Variants in ABCC6 observed in about 807,000 individuals in gnomAD.
The protein encoded by ABCC6 is ATP-binding cassette sub-family C member 6.
ABCC6 carries 126 observed loss-of-function variants against 169.5 expected under a neutral mutation model. The ratio of observed to expected loss-of-function variants is 0.74; its 90% CI spans 0.64 to 0.86. The LOEUF (loss-of-function observed/expected upper bound fraction) is 0.86. Among genes scored for constraint, ABCC6 ranks in the 40% least tolerant of loss-of-function variants. The pLI is 0.00. For missense variants in ABCC6, 1,733 were observed against 1,927.2 expected, an observed-to-expected ratio of 0.90 and a Z score of 1.89; for synonymous variants, 752 against 814.7, an observed-to-expected ratio of 0.92 and a Z score of 1.31.
chr16:16,195,416 G>A (rs1267782027), intron 10 of ABCC6, among the ~76,000 whole-genome samples: 1 of 147,260 alleles, frequency 6.8e-6, no homozygotes, highest in Non-Finnish European at 1.5e-5. Flanking sequence ...GGGTTCAAGT[G>A]ATTCTCCTGC....
At chr16:16,154,251 C>G (rs552613824) in intron 29 of ABCC6, among the ~76,000 whole-genome samples, 2 of 151,802 alleles carry the variant, frequency 1.3e-5, no homozygotes, top group Admixed American at 6.6e-5. Flanking sequence ...CCAGTCCACA[C>G]TTGACATTTA....
chr16:16,211,938 C>T (rs1165353028), intron 6 of ABCC6, among the ~76,000 whole-genome samples: 8 of 150,136 alleles, frequency 5.3e-5, no homozygotes, highest in African/African-American at 1.2e-4. Context: ...ACTGAGACTC[C>T]GGAGGTTTGC....
At chr16:16,173,452 T>TG in intron 20 of ABCC6, 48 bp from the exon 21 acceptor site, 1 of 1,613,602 alleles carries the variant, frequency 6.2e-7, no homozygotes, top group East Asian at 2.2e-5. Context: ...CTCCCAATGG[T>TG]GGGGTGTATG....
In ABCC6 at chr16:16,198,190, G is replaced by A. The variant is rs752742639; in HGVS notation, c.1177-8C>T. 2.5e-6 allele frequency: 4 copies of A among 1,582,764 alleles called. No individual in the cohort carries two copies. Among genetic ancestry groups the A allele is most frequent in the East Asian group, 2.3e-5 (1 of 43,552 alleles). On this transcript the variant is annotated splice_polypyrimidine_tract_variant and splice_region_variant and intron_variant, in intron 9 of 30. Transcript: ENST00000205557. ...GCTGGACAGAGCCAGGACCTGGCGG[G>A]TGGGCAGAAGGAGAGAAGTAAAGTG... is the stretch of plus-strand genomic sequence containing the variant.
At chr16:16,160,194 C>T (rs982096145) in intron 25 of ABCC6, among the ~76,000 whole-genome samples, 2 of 152,188 alleles carry the variant, frequency 1.3e-5, no homozygotes, top group African/African-American at 4.8e-5. Context: ...CTCAGAGAGG[C>T]CTTTCTGGAT....
At chr16:16,205,172 G>T (rs1432620912) in intron 7 of ABCC6, among the ~76,000 whole-genome samples, 2 of 152,042 alleles carry the variant, frequency 1.3e-5, no homozygotes, top group Non-Finnish European at 2.9e-5. Context: ...ACAGATCTGT[G>T]ACCCGGGGCC....
intron 9 of ABCC6, 74 bp downstream of exon 9, chr16:16,201,927 G>A: frequency 6.3e-7 from 1 of 1,575,552 alleles, no homozygotes; most frequent in Non-Finnish European, 8.7e-7. Flanking sequence ...CTCAGCTGCT[G>A]ATAACATTAC....
chr16:16,156,840 G>A (rs565408195), intron 27 of ABCC6, among the ~76,000 whole-genome samples: 1 of 151,684 alleles, frequency 6.6e-6, no homozygotes, highest in African/African-American at 2.4e-5. Context: ...CTACTCAGGA[G>A]GCTGAGGCAG....
intron 26 of ABCC6, among the ~76,000 whole-genome samples, chr16:16,159,184 C>T (rs1211937799): frequency 1.3e-5 from 2 of 152,114 alleles, no homozygotes; most frequent in East Asian, 3.8e-4. Flanking sequence ...ATGTTACTAT[C>T]ATGTTGCAGC....
rs774551826 is a variant in ABCC6 at position 16,169,722 on chromosome 16, G to A, written c.2919C>T (p.Asp973=). The change falls in exon 22 of 31, where the codon GAC becomes GAT. Residue 973 remains aspartate (D), a synonymous_variant. Coordinates refer to ENST00000205557, the MANE Select transcript of ABCC6 (RefSeq NM_001171.6). ...CRGYWLSLWA[D]DPAVGGQQTQ... is the part of the protein sequence containing the mutation. The stretch of plus-strand genomic sequence containing the variant: ...TCTGCTGCCCACCTACTGCAGGGTC[G>A]TCCGCCCACAGGCTCAGCCAGTAGC... The A allele has an allele frequency of 1.7e-5, 28 of 1,610,358 alleles. No homozygotes were observed. Among genetic ancestry groups the A allele is most frequent in the Admixed American group, 3.3e-5 (2 of 59,720 alleles).
intron 4 of ABCC6, among the ~76,000 whole-genome samples, chr16:16,215,575 G>A (rs2048841035): frequency 6.6e-6 from 1 of 151,216 alleles, no homozygotes; most frequent in Non-Finnish European, 1.5e-5. Flanking sequence ...CTGGGTTCAA[G>A]CGATTCTCCT....
intron 19 of ABCC6, 35 bp from the exon 20 acceptor site, chr16:16,176,021 G>T: frequency 6.2e-7 from 1 of 1,601,124 alleles, no homozygotes; most frequent in Non-Finnish European, 8.6e-7. Context: ...ACGCAACACG[G>T]CCCAGATACC....
intron 29 of ABCC6, among the ~76,000 whole-genome samples, chr16:16,153,157 G>A (rs779470408): frequency 6.6e-5 from 10 of 151,982 alleles, no homozygotes; most frequent in Non-Finnish European, 1.2e-4. Context: ...CACCCGCCTC[G>A]GCCTCCCATA....
At chr16:16,195,062 C>T (rs904749357) in intron 10 of ABCC6, among the ~76,000 whole-genome samples, 4 of 151,966 alleles carry the variant, frequency 2.6e-5, no homozygotes, top group Non-Finnish European at 5.9e-5. Flanking sequence ...TGGAGAAGGG[C>T]GCAGAGGGTA....
At chr16:16,215,263 G>C (rs536403351) in intron 4 of ABCC6, among the ~76,000 whole-genome samples, 22 of 152,172 alleles carry the variant, frequency 1.4e-4, no homozygotes, top group South Asian at 2.1e-4. Context: ...GGAAACCAAG[G>C]CTCAGAGAAG....
chr16:16,154,479 C>G, intron 29 of ABCC6, 149 bp downstream of exon 29: 1 of 1,030,456 alleles, frequency 9.7e-7, no homozygotes, highest in Admixed American at 2.2e-5. Context: ...TGTGTCAGAG[C>G]TTGGAATTGC....
Position 16,198,005 on chromosome 16 carries a change from T to G in ABCC6, c.1338+16A>C, listed in dbSNP as rs764198351. ...GGGGGACTCCGTTCAAATCCCGTCT[T>G]CCTCCTCTGGCATACCTGCCAGAGA... On this transcript the variant is annotated intron_variant, in intron 10 of 30. Coordinates refer to ENST00000205557, the MANE Select transcript of ABCC6 (RefSeq NM_001171.6). 1.9e-4 allele frequency: 300 copies of G among 1,612,888 alleles called. 1 individual carries two copies. The highest frequency in any genetic ancestry group is 1.5e-3 in the South Asian group (135 of 90,910).
intron 24 of ABCC6, 118 bp downstream of exon 24, chr16:16,162,875 G>T: frequency 7.5e-7 from 1 of 1,325,934 alleles, no homozygotes; most frequent in Non-Finnish European, 1.1e-6. Context: ...GTGGGATCTA[G>T]CCTCAACTAT....
chr16:16,155,673 C>G (rs1370971959), intron 27 of ABCC6: 3 of 154,508 alleles, frequency 1.9e-5, no homozygotes, highest in Admixed American at 1.9e-4. Flanking sequence ...TATCCACCCT[C>G]CATCCTTATC....
Sources: allele counts gnomAD v4.1 joint callset (sites outside exome capture counted in the v4.1 genomes callset), GRCh38; gene constraint gnomAD v4.1.1; transcripts MANE v1.5; gene names NCBI Gene and HGNC (gene_info 2026-07-23, HGNC 2026-07-21).